The following NRIP1 variants were observed in gnomAD, a reference collection of about 807,000 sequenced individuals.
NRIP1 encodes the protein nuclear receptor-interacting protein 1.
In NRIP1, 28 loss-of-function variants were observed where a neutral mutation model predicts 75.0. The observed-to-expected ratio is 0.37, with a 90% CI of 0.28 to 0.51. NRIP1 has a LOEUF of 0.51. Among genes scored for constraint, NRIP1 ranks in the 20% least tolerant of loss-of-function variants. The pLI, the probability that NRIP1 is intolerant of heterozygous loss-of-function variation, is 0.92. For synonymous variants in NRIP1, 526 were observed against 487.6 expected, an observed-to-expected ratio of 1.08 and a Z score of -1.04; for missense variants, 1,435 against 1,343.7, an observed-to-expected ratio of 1.07 and a Z score of -1.06.
At chr21:15,057,226 G>A (rs1568737717) in intron 1 of NRIP1, among the ~76,000 whole-genome samples, 1 of 152,130 alleles carries the variant, frequency 6.6e-6, no homozygotes, top group Non-Finnish European at 1.5e-5. Context: ...TTTTCAACCA[G>A]GAAGAGCTAT....
chr21:14,971,363 A>C (rs2086898366), intron 3 of NRIP1: 1 of 152,214 alleles, frequency 6.6e-6, no homozygotes, highest in African/African-American at 2.4e-5. Context: ...TTCGAATCAC[A>C]AATTTGAAAC....
At chr21:14,975,669 G>GAA (rs1236005347) in intron 3 of NRIP1, among the ~76,000 whole-genome samples, 2 of 138,838 alleles carry the variant, frequency 1.4e-5, no homozygotes, top group South Asian at 4.4e-4. Context: ...GAGAGAGAGA[G>GAA]AGAAAGAAAG....
Position 14,968,402 on chromosome 21 carries a change from G to C in NRIP1, c.-210C>G. 1 of 530,076 alleles carries C rather than the reference G, an allele frequency of 1.9e-6. No individual in the cohort carries two copies. The highest frequency in any genetic ancestry group is 3.4e-6 in the Non-Finnish European group (1 of 294,036). The allele number at this position is 530,076 out of a possible 1,614,324, so 32.8% of individuals were successfully genotyped here. The stretch of plus-strand genomic sequence containing the variant: ...GACCACAGTGCTGATCAACTTCTAC[G>C]CAAGGAGGAGGAGAAGAATTCCTTA... On this transcript the variant is annotated 5_prime_UTR_variant, in exon 4 of 4. Coordinates refer to ENST00000318948, the MANE Select transcript of NRIP1 (RefSeq NM_003489.4).
chr21:14,986,191 G>T (rs2087397647), intron 3 of NRIP1, among the ~76,000 whole-genome samples: 1 of 152,160 alleles, frequency 6.6e-6, no homozygotes, highest in South Asian at 2.1e-4. Context: ...ATCTGTATTT[G>T]TTGAAGAGCT....
chr21:14,965,820 G>A lies in NRIP1; in HGVS notation c.2373C>T (p.Ser791=), dbSNP rs747131187. The change falls in exon 4 of 4, where the codon AGC becomes AGT. Residue 791 remains serine (S), a synonymous_variant. Transcript: ENST00000318948. ...FLGMAPAVQR[S]APALPVSEDF... Reference sequence around the variant, plus strand: ...CTTCGGACACTGGTAAGGCAGGTGCGCTTCTCTGCACAGCAGGAGCCATAC... The same window carrying A: ...CTTCGGACACTGGTAAGGCAGGTGCACTTCTCTGCACAGCAGGAGCCATAC... 15 of 1,613,780 alleles carry A rather than the reference G, an allele frequency of 9.3e-6. No homozygotes were observed. The highest frequency in any genetic ancestry group is 1.6e-4 in the Middle Eastern group (1 of 6,080).
intron 1 of NRIP1, among the ~76,000 whole-genome samples, chr21:15,052,897 T>C (rs1055597525): frequency 6.6e-6 from 1 of 152,190 alleles, no homozygotes; most frequent in Admixed American, 6.5e-5. Flanking sequence ...CTGTGACACA[T>C]AAACAACTTA....
intron 3 of NRIP1, among the ~76,000 whole-genome samples, chr21:15,005,246 A>C (rs575708983): frequency 3.9e-5 from 6 of 152,240 alleles, no homozygotes; most frequent in African/African-American, 1.4e-4. Context: ...ATCAACTACA[A>C]AGCTGTTTTG....
At chr21:15,056,026 GA>G (rs978619699) in intron 1 of NRIP1, among the ~76,000 whole-genome samples, 7 of 152,158 alleles carry the variant, frequency 4.6e-5, no homozygotes, top group Admixed American at 4.6e-4. Flanking sequence ...CAAAAGGAAA[GA>G]AAATGGCACA....
At chr21:15,030,912 C>T (rs992762856) in intron 2 of NRIP1, among the ~76,000 whole-genome samples, 1 of 132,304 alleles carries the variant, frequency 7.6e-6, no homozygotes, top group African/African-American at 2.5e-5. Flanking sequence ...CACCACATTC[C>T]CTTTCTATGT....
At chr21:15,028,718 C>T (rs2088578631) in intron 2 of NRIP1, among the ~76,000 whole-genome samples, 2 of 152,122 alleles carry the variant, frequency 1.3e-5, no homozygotes, top group South Asian at 4.1e-4. Context: ...AAAATATCCA[C>T]TCCATATAAC....
chr21:15,026,763 A>T (rs1487876324), intron 2 of NRIP1, among the ~76,000 whole-genome samples: 1 of 152,122 alleles, frequency 6.6e-6, no homozygotes, highest in Non-Finnish European at 1.5e-5. Flanking sequence ...CACACAATGG[A>T]ATATTGCCCA....
chr21:14,990,685 A>G (rs1442921142), intron 3 of NRIP1, among the ~76,000 whole-genome samples: 1 of 152,122 alleles, frequency 6.6e-6, no homozygotes, highest in Non-Finnish European at 1.5e-5. Flanking sequence ...CTAAAGTGAA[A>G]CTCTAATGCA....
At chr21:14,997,514 AAAAATAGACATAAATGGTTGG>A (rs1303984436) in intron 3 of NRIP1, among the ~76,000 whole-genome samples, 13 of 151,948 alleles carry the variant, frequency 8.6e-5, no homozygotes, top group Non-Finnish European at 1.2e-4. Flanking sequence ...TTAATAGGTA[AAAAATAGACATAAATGGTTGG>A]ATACAGCTCC....
chr21:15,038,364 C>G (rs140835825), intron 2 of NRIP1, among the ~76,000 whole-genome samples: 1 of 152,002 alleles, frequency 6.6e-6, no homozygotes, highest in South Asian at 2.1e-4. Flanking sequence ...CTATACTTCT[C>G]TTTCCAAAGA....
chr21:15,002,114 G>C (rs1469463188), intron 3 of NRIP1: 2 of 152,074 alleles, frequency 1.3e-5, no homozygotes, highest in East Asian at 3.9e-4. Context: ...GCCCTAGAAA[G>C]AGCGCATGTT....
chr21:14,988,986 T>C (rs1263256270), intron 3 of NRIP1, among the ~76,000 whole-genome samples: 1 of 152,070 alleles, frequency 6.6e-6, no homozygotes, highest in Non-Finnish European at 1.5e-5. Flanking sequence ...GCTGAATGAA[T>C]GGCTTTCCAG....
intron 1 of NRIP1, among the ~76,000 whole-genome samples, chr21:15,061,003 C>G (rs1013209022): frequency 1.3e-4 from 20 of 152,070 alleles, no homozygotes; most frequent in Non-Finnish European, 2.9e-4. Flanking sequence ...GTTGTGTTAT[C>G]TAAATACTAC....
rs188492250 is a variant in NRIP1, at chr21:15,005,734, G to T, written c.-335+8610C>A. Among the ~76,000 whole-genome samples the T allele has an allele frequency of 2.6e-5, 4 of 152,266 alleles. No homozygotes were observed. In the South Asian group the frequency reaches 8.3e-4, roughly 32 times the overall value. ...GTCTCCTCTTAACCCTTCCCAAGCAGAATAGAACAAACCACCAGCATTCTG... is the reference window on the plus strand; with the variant it reads ...GTCTCCTCTTAACCCTTCCCAAGCATAATAGAACAAACCACCAGCATTCTG... On this transcript the variant is annotated intron_variant, in intron 3 of 3. Transcript: ENST00000318948.
At chr21:15,044,236 GA>G (rs1224192662) in intron 1 of NRIP1, among the ~76,000 whole-genome samples, 2 of 151,492 alleles carry the variant, frequency 1.3e-5, no homozygotes, top group Non-Finnish European at 2.9e-5. Flanking sequence ...AAAAGTATTA[GA>G]ATTATTTAAC....
Sources: gnomAD v4.1 joint callset for allele counts (sites outside exome capture counted in the v4.1 genomes callset) on GRCh38, gnomAD v4.1.1 for gene constraint, MANE v1.5 for transcripts, NCBI Gene and HGNC (gene_info 2026-07-23, HGNC 2026-07-21) for gene names.